The following CSMD1 variants were observed in gnomAD, a reference collection of about 807,000 sequenced individuals.
The protein encoded by CSMD1 is CUB and Sushi multiple domains 1.
A neutral mutation model predicts 417.5 loss-of-function variants in CSMD1; 213 were observed. That is an observed-to-expected ratio of 0.51 (90% confidence interval 0.46 to 0.57). CSMD1 has a LOEUF of 0.57. Among genes scored for constraint, CSMD1 ranks in the 20% least tolerant of loss-of-function variants. The probability of loss-of-function intolerance (pLI) is 0.00; values close to 1 mark genes in which losing one functional copy is unlikely to be tolerated. For synonymous variants in CSMD1, 2,862 were observed against 1,736.8 expected (o/e 1.65, Z -16.11); for missense variants, 6,923 against 4,529.7 (o/e 1.53, Z -15.17).
intron 2 of CSMD1, among the ~76,000 whole-genome samples, chr8:4,633,162 A>G (rs1802625133): frequency 6.6e-6 from 1 of 151,966 alleles, no homozygotes; most frequent in Admixed American, 6.6e-5. Context: ...AGCCTGTGCC[A>G]GGACAGGAGC....
At chr8:4,049,899 T>C (rs570953789) in intron 3 of CSMD1, among the ~76,000 whole-genome samples, 49 of 83,262 alleles carry the variant, frequency 5.9e-4, no homozygotes, top group African/African-American at 2.5e-3. Flanking sequence ...TAACGTTCGC[T>C]TTCTGTTTCA....
chr8:4,986,251 C>T (rs1012739636), intron 1 of CSMD1, among the ~76,000 whole-genome samples: 2 of 152,070 alleles, frequency 1.3e-5, no homozygotes, highest in African/African-American at 4.8e-5. Context: ...TTAGGAACCA[C>T]AGTTATGTCA....
At chr8:3,923,113 A>C (rs1829859) in intron 5 of CSMD1, among the ~76,000 whole-genome samples, 30,292 of 152,064 alleles carry the variant, frequency 0.2, 3,359 homozygotes, top group East Asian at 0.32. Flanking sequence ...GACTCATGCC[A>C]AACAACTCAT....
chr8:3,413,532 T>A (rs967213640), intron 12 of CSMD1, among the ~76,000 whole-genome samples: 1 of 152,194 alleles, frequency 6.6e-6, no homozygotes, highest in African/African-American at 2.4e-5. Context: ...CTCAGTAGGT[T>A]TGTGTGTTTC....
chr8:3,770,191 A>AT (rs1452539040), intron 5 of CSMD1, among the ~76,000 whole-genome samples: 1 of 152,144 alleles, frequency 6.6e-6, no homozygotes, highest in Non-Finnish European at 1.5e-5. Context: ...CTCTCCCATG[A>AT]TTTTGAAACA....
intron 3 of CSMD1, among the ~76,000 whole-genome samples, chr8:4,190,823 T>C (rs531443598): frequency 9.2e-5 from 14 of 152,162 alleles, no homozygotes; most frequent in Non-Finnish European, 1.6e-4. Context: ...CTGGGGGCCA[T>C]TACCCTTCGC....
At chr8:4,492,958 T>C (rs1215119627) in intron 2 of CSMD1, among the ~76,000 whole-genome samples, 1 of 152,236 alleles carries the variant, frequency 6.6e-6, no homozygotes, top group Non-Finnish European at 1.5e-5. Context: ...TAAAAATTGA[T>C]TTGAGTCTAG....
chr8:4,803,123 A>AT (rs532519424), intron 1 of CSMD1, among the ~76,000 whole-genome samples: 236 of 152,236 alleles, frequency 1.6e-3, no homozygotes, highest in Middle Eastern at 3.4e-3. Context: ...CATGTATATG[A>AT]TTTTTTTGCC....
At chr8:3,723,846 A>T (rs1290349666) in intron 6 of CSMD1, among the ~76,000 whole-genome samples, 1 of 152,188 alleles carries the variant, frequency 6.6e-6, no homozygotes, top group Non-Finnish European at 1.5e-5. Flanking sequence ...TAAAAATTTC[A>T]TTCAAAATGC....
chr8:4,181,915 G>T (rs1386555456), intron 3 of CSMD1, among the ~76,000 whole-genome samples: 1 of 151,508 alleles, frequency 6.6e-6, no homozygotes, highest in African/African-American at 2.4e-5. Flanking sequence ...GGCAGGACAA[G>T]TACTTAGTAC....
intron 41 of CSMD1, among the ~76,000 whole-genome samples, chr8:3,133,902 C>A (rs1039008249): frequency 2.6e-5 from 4 of 152,192 alleles, no homozygotes; most frequent in Non-Finnish European, 4.4e-5. Flanking sequence ...AGGCCGGGCG[C>A]GGTGGCTCAC....
chr8:3,497,767 T>C (rs1796427831), intron 10 of CSMD1, among the ~76,000 whole-genome samples: 1 of 152,216 alleles, frequency 6.6e-6, no homozygotes, highest in South Asian at 2.1e-4. Context: ...TTATTTCTGT[T>C]CTGGTTGTTT....
intron 20 of CSMD1, among the ~76,000 whole-genome samples, chr8:3,363,440 G>A (rs1809330587): frequency 6.6e-6 from 1 of 152,338 alleles, no homozygotes; most frequent in East Asian, 1.9e-4. Flanking sequence ...GGGAAAAGAA[G>A]AAAGGCTGCA....
intron 7 of CSMD1, among the ~76,000 whole-genome samples, chr8:3,647,322 C>A (rs1320286638): frequency 2.0e-5 from 3 of 151,794 alleles, no homozygotes; most frequent in Non-Finnish European, 4.4e-5. Context: ...GTATCCTTGG[C>A]CAGGAGAGAG....
At chr8:4,411,601 G>C (rs558225779) in intron 3 of CSMD1, among the ~76,000 whole-genome samples, 3 of 152,134 alleles carry the variant, frequency 2.0e-5, no homozygotes, top group East Asian at 3.9e-4. Context: ...GTTATACGGA[G>C]AAAAATACAG....
At chr8:4,142,790 A>G (rs956305877) in intron 3 of CSMD1, among the ~76,000 whole-genome samples, 4 of 151,044 alleles carry the variant, frequency 2.6e-5, no homozygotes, top group African/African-American at 9.9e-5. Context: ...GCTTCAACAA[A>G]GTCTCGTATT....
intron 3 of CSMD1, among the ~76,000 whole-genome samples, chr8:4,291,067 G>A (rs1458963275): frequency 1.3e-5 from 2 of 152,062 alleles, no homozygotes; most frequent in African/African-American, 4.8e-5. Context: ...GAATAATAAT[G>A]GAATTTCCTG....
intron 10 of CSMD1, among the ~76,000 whole-genome samples, chr8:3,571,507 G>A (rs763519264): frequency 5.9e-5 from 9 of 152,172 alleles, no homozygotes; most frequent in African/African-American, 4.8e-5. Context: ...TGCGACAGAA[G>A]CAAGAATGCT....
intron 8 of CSMD1, among the ~76,000 whole-genome samples, chr8:3,611,428 ACTC>A (rs1335028483): frequency 5.9e-5 from 9 of 151,776 alleles, no homozygotes; most frequent in Non-Finnish European, 1.3e-4. Context: ...TTTCTACTGA[ACTC>A]CTCTTAATTT....
Sources: allele counts gnomAD v4.1 joint callset (sites outside exome capture counted in the v4.1 genomes callset), GRCh38; gene constraint gnomAD v4.1.1; transcripts MANE v1.5; gene names NCBI Gene and HGNC (gene_info 2026-07-23, HGNC 2026-07-21).